CASQ2: variants seen among roughly 807,000 people sequenced by gnomAD.
The protein encoded by CASQ2 is calsequestrin 2.
CASQ2 carries 49 observed loss-of-function variants against 46.5 expected under a neutral mutation model. The observed-to-expected ratio is 1.05, with a 90% CI of 0.84 to 1.34. The LOEUF is 1.34. Ranked by LOEUF, CASQ2 falls within the 40% of genes most tolerant of loss-of-function variation. The probability of loss-of-function intolerance (pLI) is 0.00; values close to 1 mark genes in which losing one functional copy is unlikely to be tolerated. For synonymous variants in CASQ2, 174 were observed against 168.5 expected (o/e 1.03, Z -0.25); for missense variants, 486 against 481.3 (o/e 1.01, Z -0.09).
intron 4 of CASQ2, among the ~76,000 whole-genome samples, chr1:115,737,636 A>G (rs1209881933): frequency 3.3e-5 from 5 of 152,096 alleles, no homozygotes; most frequent in Non-Finnish European, 7.4e-5. Flanking sequence ...TCATCCCTAT[A>G]TGGGCTGTAG....
At chr1:115,728,052 G>A (rs1647654892) in intron 5 of CASQ2, among the ~76,000 whole-genome samples, 1 of 152,172 alleles carries the variant, frequency 6.6e-6, no homozygotes, top group South Asian at 2.1e-4. Context: ...CAGAGCTGTG[G>A]TTCAAGAAAG....
intron 2 of CASQ2, among the ~76,000 whole-genome samples, chr1:115,742,726 A>G (rs7523078): frequency 0.71 from 108,158 of 152,168 alleles, 42,169 homozygotes; most frequent in Non-Finnish European, 0.88. Flanking sequence ...AGGCAGAAGA[A>G]GAATCAAGAG....
chr1:115,706,766 TC>T (rs111633815), intron 8 of CASQ2, among the ~76,000 whole-genome samples: 5,517 of 152,282 alleles, frequency 0.036, 153 homozygotes, highest in African/African-American at 0.074. Flanking sequence ...AAACTTGAGC[TC>T]CTCCCTATGG....
intron 1 of CASQ2, among the ~76,000 whole-genome samples, chr1:115,764,542 G>A (rs570340100): frequency 6.6e-6 from 1 of 152,152 alleles, no homozygotes; most frequent in Non-Finnish European, 1.5e-5. Context: ...GAATACCCAA[G>A]GAATCAGAAC....
chr1:115,703,024 A>G, intron 9 of CASQ2, 29 bp from the exon 10 acceptor site: 2 of 1,580,202 alleles, frequency 1.3e-6, no homozygotes, highest in Non-Finnish European at 1.7e-6. Flanking sequence ...AAGATTAGAC[A>G]GCAGGCAGAG....
intron 7 of CASQ2, among the ~76,000 whole-genome samples, chr1:115,718,643 G>A (rs1453089954): frequency 6.6e-6 from 1 of 152,216 alleles, no homozygotes; most frequent in African/African-American, 2.4e-5. Flanking sequence ...TCTGGAATTT[G>A]AGCGTAAGGA....
chr1:115,761,939 G>A (rs549467666), intron 1 of CASQ2, among the ~76,000 whole-genome samples: 41 of 152,298 alleles, frequency 2.7e-4, no homozygotes, highest in Admixed American at 5.2e-4. Flanking sequence ...ATTTAATACC[G>A]AAGAAAGCTT....
intron 4 of CASQ2, among the ~76,000 whole-genome samples, chr1:115,734,355 C>T (rs930570429): frequency 1.3e-5 from 2 of 152,208 alleles, no homozygotes; most frequent in African/African-American, 2.4e-5. Flanking sequence ...ATGAATTTCT[C>T]TTCCCCTCCA....
chr1:115,768,312 A>C lies in CASQ2; in HGVS notation c.230T>G (p.Leu77Arg). ...GCATGCCCTTTGGTTACTTACCTCA[A>C]GCACGATTTCTTTCAGTTGGAACTG... is the stretch of plus-strand genomic sequence containing the variant. ...QKQFQLKEIVLELVAQVLEHK... is the reference protein window; with the variant it reads ...QKQFQLKEIVRELVAQVLEHK... Residue 77 changes from leucine to arginine, a missense_variant, in exon 1 of 11, where the codon CTT (leucine) becomes CGT (arginine). Leu to Arg is a moderately radical substitution (Grantham distance 102). Transcript: ENST00000261448. 3.7e-6 allele frequency: 6 copies of C among 1,609,460 alleles called. No homozygotes were observed. The South Asian group carries it at 5.5e-5, about 15-fold the overall frequency.
At chr1:115,742,483 C>CTCCAG (rs1168292008) in intron 2 of CASQ2, among the ~76,000 whole-genome samples, 1 of 151,952 alleles carries the variant, frequency 6.6e-6, no homozygotes, top group East Asian at 1.9e-4. Context: ...AATACCTCCA[C>CTCCAG]TCTCCTATAA....
chr1:115,745,021 T>C, intron 1 of CASQ2, 109 bp from the exon 2 acceptor site: 1 of 785,062 alleles, frequency 1.3e-6, no homozygotes, highest in Non-Finnish European at 2.2e-6. Flanking sequence ...CTATACTTGC[T>C]GTTACTATGT....
chr1:115,709,523 G>A (rs888370172), intron 8 of CASQ2, among the ~76,000 whole-genome samples: 2 of 152,200 alleles, frequency 1.3e-5, no homozygotes, highest in Middle Eastern at 3.2e-3. Flanking sequence ...ATTCAGAGAT[G>A]TGTAGGCTAA....
chr1:115,736,239 GT>G (rs1231621282), intron 4 of CASQ2, among the ~76,000 whole-genome samples: 1 of 151,486 alleles, frequency 6.6e-6, no homozygotes, highest in African/African-American at 2.4e-5. Context: ...TACAAGTGAA[GT>G]CTCTTGTCCA....
Position 115,700,343 on chromosome 1 carries a change from A to G in CASQ2, c.*898T>C, listed in dbSNP as rs1654167516. ...TGACTGCTGGATAAAGCAATCTTTA[A>G]TCTAAATGGGAAGGCTCACTAGCAG... On this transcript the variant is annotated 3_prime_UTR_variant, in exon 11 of 11. Coordinates refer to ENST00000261448, the MANE Select transcript of CASQ2 (RefSeq NM_001232.4). The G allele has an allele frequency of 6.6e-6, 1 of 152,580 alleles. No individual in the cohort carries two copies. Among genetic ancestry groups the G allele is most frequent in the Non-Finnish European group, 1.5e-5 (1 of 68,048 alleles). 9.5% of individuals were successfully genotyped at this position (152,580 alleles called of 1,614,324 possible).
chr1:115,752,409 T>C (rs1030149666), intron 1 of CASQ2, among the ~76,000 whole-genome samples: 2 of 152,068 alleles, frequency 1.3e-5, no homozygotes, highest in African/African-American at 4.8e-5. Flanking sequence ...AGATTAGATC[T>C]CAAAAATAAA....
intron 1 of CASQ2, among the ~76,000 whole-genome samples, chr1:115,752,165 A>G (rs1405463525): frequency 1.3e-5 from 2 of 152,192 alleles, no homozygotes; most frequent in Non-Finnish European, 2.9e-5. Flanking sequence ...TGAAGTCTGC[A>G]TTTAAATGTC....
intron 8 of CASQ2, among the ~76,000 whole-genome samples, chr1:115,713,658 G>A (rs555362410): frequency 6.6e-6 from 1 of 152,226 alleles, no homozygotes. Context: ...GAGGAAGCCT[G>A]ACTTTTCTTC....
chr1:115,752,632 T>C (rs904101658), intron 1 of CASQ2, among the ~76,000 whole-genome samples: 2 of 152,126 alleles, frequency 1.3e-5, no homozygotes, highest in African/African-American at 4.8e-5. Context: ...GCTGACCTGC[T>C]TGAACAGTGG....
chr1:115,720,107 G>A (rs1647315565), intron 7 of CASQ2, among the ~76,000 whole-genome samples: 1 of 152,162 alleles, frequency 6.6e-6, no homozygotes, highest in South Asian at 2.1e-4. Flanking sequence ...ACAGAAGGGG[G>A]ATTCAAGCCA....
Sources: gnomAD v4.1 joint callset for allele counts (sites outside exome capture counted in the v4.1 genomes callset) on GRCh38, gnomAD v4.1.1 for gene constraint, MANE v1.5 for transcripts, NCBI Gene and HGNC (gene_info 2026-07-23, HGNC 2026-07-21) for gene names.